The following RANBP2 variants were observed in gnomAD, a reference collection of about 807,000 sequenced individuals.
RANBP2 encodes the protein RAN binding protein 2, also known as E3 SUMO-protein ligase RanBP2.
Under a neutral mutation model 303.6 loss-of-function variants are expected in RANBP2, and 57 were observed. The ratio of observed to expected loss-of-function variants is 0.19; its 90% confidence interval spans 0.15 to 0.23. The LOEUF (loss-of-function observed/expected upper bound fraction) is 0.23, where lower values mean the gene tolerates loss of function less well. Ranked by LOEUF, RANBP2 falls within the 10% of genes least tolerant of loss-of-function variation. The pLI is 1.00. For synonymous variants in RANBP2, 1,167 were observed against 1,301.5 expected (o/e 0.90, Z 2.23); for missense variants, 3,138 against 3,780.8 (o/e 0.83, Z 4.46).
the RANBP2 span, among the ~76,000 whole-genome samples, chr2:109,548,844 TGAGAGAAGAAACCA>T: frequency 6.3e-5 from 9 of 142,434 alleles, no homozygotes; most frequent in Non-Finnish European, 1.4e-4. Flanking sequence ...AATCAGAGAC[TGAGAGAAGAAACCA>T]GAGAGCTAAA....
At chr2:109,305,367 G>A in the RANBP2 span, among the ~76,000 whole-genome samples, 4 of 152,088 alleles carry the variant, frequency 2.6e-5, no homozygotes, top group Admixed American at 6.5e-5. Flanking sequence ...TATGGCCATG[G>A]AGGCCCATAC....
chr2:109,353,997 G>C, the RANBP2 span, among the ~76,000 whole-genome samples: 1 of 152,190 alleles, frequency 6.6e-6, no homozygotes, highest in African/African-American at 2.4e-5. Context: ...CGAAGTCTCA[G>C]TGACAGCAGG....
chr2:109,599,932 G>A, the RANBP2 span, among the ~76,000 whole-genome samples: 1 of 152,092 alleles, frequency 6.6e-6, no homozygotes, highest in Non-Finnish European at 1.5e-5. Context: ...ACACTACAAC[G>A]AACTTCCTCT....
the RANBP2 span, among the ~76,000 whole-genome samples, chr2:109,699,689 G>A: frequency 6.6e-6 from 1 of 152,154 alleles, no homozygotes; most frequent in African/African-American, 2.4e-5. Context: ...TTGTCTCAAG[G>A]GTGGCAGAGG....
chr2:109,765,353 C>G, the RANBP2 span, among the ~76,000 whole-genome samples: 6 of 150,180 alleles, frequency 4.0e-5, 1 homozygote, highest in East Asian at 1.2e-3. Flanking sequence ...GTGTGATACA[C>G]TTGGATATTT....
At chr2:109,249,603 C>CTT in the RANBP2 span, among the ~76,000 whole-genome samples, 1 of 135,078 alleles carries the variant, frequency 7.4e-6, no homozygotes, top group African/African-American at 2.9e-5. Context: ...CTTTCTTTTT[C>CTT]TTTCTTTCTT....
the RANBP2 span, chr2:108,912,596 A>G: frequency 2.3e-6 from 3 of 1,318,502 alleles, no homozygotes; most frequent in Admixed American, 2.0e-5. Context: ...ATCATCACTC[A>G]TGATCATTTC....
At chr2:109,307,481 G>A in the RANBP2 span, among the ~76,000 whole-genome samples, 1 of 148,976 alleles carries the variant, frequency 6.7e-6, no homozygotes, top group African/African-American at 2.5e-5. Context: ...GTGCAGGTTA[G>A]TTACATATGT....
the RANBP2 span, among the ~76,000 whole-genome samples, chr2:108,869,158 A>G: frequency 6.6e-6 from 1 of 152,174 alleles, no homozygotes; most frequent in Non-Finnish European, 1.5e-5. Flanking sequence ...GAAACACCAA[A>G]TAAATAGCTA....
the RANBP2 span, chr2:109,614,729 G>A: frequency 1.3e-6 from 2 of 1,490,252 alleles, no homozygotes; most frequent in Middle Eastern, 1.8e-4. Flanking sequence ...TGCACCTCAA[G>A]AAGAGGTTCT....
chr2:109,419,473 GC>G, the RANBP2 span: 1 of 1,493,144 alleles, frequency 6.7e-7, no homozygotes, highest in Non-Finnish European at 9.1e-7. Flanking sequence ...GCCTCATTTT[GC>G]TTTTCTCTTT....
the RANBP2 span, among the ~76,000 whole-genome samples, chr2:108,981,299 C>T: frequency 6.6e-6 from 1 of 152,198 alleles, no homozygotes; most frequent in African/African-American, 2.4e-5. Flanking sequence ...AGAGCCGCAC[C>T]CGCCCCAGGT....
At chr2:108,941,589 AG>A in the RANBP2 span, among the ~76,000 whole-genome samples, 106 of 152,332 alleles carry the variant, frequency 7.0e-4, no homozygotes, top group Non-Finnish European at 1.3e-3. Context: ...CATGGCCAAC[AG>A]GGAAGAGTAG....
intron 7 of RANBP2, among the ~76,000 whole-genome samples, chr2:108,746,093 G>C (rs1432286634): frequency 6.6e-6 from 1 of 151,382 alleles, no homozygotes; most frequent in Non-Finnish European, 1.5e-5. Flanking sequence ...ACATTTTTTA[G>C]AGATAGGGTC....
the RANBP2 span, among the ~76,000 whole-genome samples, chr2:108,982,546 C>G: frequency 1.6e-3 from 244 of 152,346 alleles, no homozygotes; most frequent in African/African-American, 5.5e-3. Context: ...AAATATTTGC[C>G]TTCAAAAGCA....
chr2:108,925,393 A>T, the RANBP2 span, among the ~76,000 whole-genome samples: 1 of 152,216 alleles, frequency 6.6e-6, no homozygotes, highest in Non-Finnish European at 1.5e-5. Flanking sequence ...CCAAGGCTAC[A>T]CGGCGGATGC....
At position 108,775,716 on chromosome 2, in the gene RANBP2, G is replaced by T; in HGVS notation, c.8293-16G>T. On this transcript the variant is annotated splice_polypyrimidine_tract_variant and intron_variant, in intron 23 of 28. Transcript: ENST00000283195. Reference sequence around the variant, plus strand: ...GCATTTAAGTGGCATAGTATTTTGTGACTTCCTCTTTGCAGAAATCTCAGA... The same window carrying T: ...GCATTTAAGTGGCATAGTATTTTGTTACTTCCTCTTTGCAGAAATCTCAGA... 1 of 1,612,924 alleles carries T rather than the reference G, an allele frequency of 6.2e-7. No homozygotes were observed. Among genetic ancestry groups the T allele is most frequent in the South Asian group, 1.1e-5 (1 of 91,002 alleles).
the RANBP2 span, chr2:108,794,441 T>C: frequency 2.5e-5 from 27 of 1,080,572 alleles, no homozygotes; most frequent in African/African-American, 9.6e-5. Context: ...TTTAATGTTA[T>C]ATTTTGTACT....
At chr2:109,492,780 C>T in the RANBP2 span, among the ~76,000 whole-genome samples, 3 of 152,074 alleles carry the variant, frequency 2.0e-5, no homozygotes, top group Non-Finnish European at 4.4e-5. Flanking sequence ...TCAGCAGCAC[C>T]CCCAGTCCTG....
Sources: allele counts gnomAD v4.1 joint callset (sites outside exome capture counted in the v4.1 genomes callset), GRCh38; gene constraint gnomAD v4.1.1; transcripts MANE v1.5; gene names NCBI Gene and HGNC (gene_info 2026-07-23, HGNC 2026-07-21).